Variants in LAMA2 observed in about 807,000 individuals in gnomAD.
LAMA2 encodes the protein laminin subunit alpha-2.
A neutral mutation model predicts 364.8 loss-of-function variants in LAMA2; 269 were observed. The ratio of observed to expected loss-of-function variants is 0.74; its 90% CI spans 0.67 to 0.82. LAMA2 has a LOEUF of 0.82. Ranked by LOEUF, LAMA2 falls within the 40% of genes least tolerant of loss-of-function variation. The probability of loss-of-function intolerance (pLI) is 0.00; values close to 1 mark genes in which losing one functional copy is unlikely to be tolerated. For synonymous variants in LAMA2, 1,379 were observed against 1,370.6 expected (o/e 1.01, Z -0.14); for missense variants, 3,807 against 3,873.2 (o/e 0.98, Z 0.45).
At chr6:129,029,816 A>G (rs1440399870) in intron 1 of LAMA2, among the ~76,000 whole-genome samples, 1 of 152,032 alleles carries the variant, frequency 6.6e-6, no homozygotes, top group African/African-American at 2.4e-5. Context: ...AGAAATTTCT[A>G]ATTTTGAAAA....
intron 1 of LAMA2, among the ~76,000 whole-genome samples, chr6:128,962,248 G>A (rs1781582682): frequency 7.0e-6 from 1 of 142,992 alleles, no homozygotes; most frequent in African/African-American, 2.6e-5. Context: ...AGATTTGTAG[G>A]TTATAATAGC....
At chr6:129,510,797 G>A (rs1786511445) in intron 62 of LAMA2, among the ~76,000 whole-genome samples, 1 of 152,088 alleles carries the variant, frequency 6.6e-6, no homozygotes, top group Non-Finnish European at 1.5e-5. Flanking sequence ...TGATAGAAGA[G>A]TAGGACCCTC....
intron 2 of LAMA2, among the ~76,000 whole-genome samples, chr6:129,050,549 G>C (rs757479103): frequency 1.3e-5 from 2 of 152,100 alleles, no homozygotes; most frequent in Admixed American, 6.5e-5. Context: ...ACAAAGGCTT[G>C]GTGTAAGTAA....
At chr6:128,947,518 T>A (rs566759173) in intron 1 of LAMA2, among the ~76,000 whole-genome samples, 3 of 152,330 alleles carry the variant, frequency 2.0e-5, no homozygotes, top group African/African-American at 7.2e-5. Context: ...TATATGTGAA[T>A]ATAATACATA....
chr6:129,492,405 A>C lies in LAMA2; in HGVS notation c.8166A>C (p.Ala2722=). ...HQKLREDEDG[A]APAEIVIQPE... ...AACTCCGTGAAGATGAAGATGGAGC[A>C]GCTCCAGCTGAAATAGTTATCCAGC... Residue 2722 remains alanine, a synonymous_variant, in exon 58 of 65, where the codon GCA becomes GCC. Transcript: ENST00000421865. 1 of 1,614,174 alleles carries C rather than the reference A, an allele frequency of 6.2e-7. No individual in the cohort carries two copies. The highest frequency in any genetic ancestry group is 8.5e-7 in the Non-Finnish European group (1 of 1,179,994).
intron 3 of LAMA2, among the ~76,000 whole-genome samples, chr6:129,080,610 G>A (rs1276535424): frequency 6.6e-6 from 1 of 152,104 alleles, no homozygotes; most frequent in Non-Finnish European, 1.5e-5. Flanking sequence ...CTCAAAAGAA[G>A]ACATTTATGC....
intron 1 of LAMA2, among the ~76,000 whole-genome samples, chr6:128,903,502 T>C (rs34215442): frequency 0.13 from 19,836 of 152,180 alleles, 1,657 homozygotes; most frequent in African/African-American, 0.23. Context: ...TCTGAAATCA[T>C]TTACAAATAT....
chr6:128,970,437 C>A (rs1011850844), intron 1 of LAMA2, among the ~76,000 whole-genome samples: 2 of 152,134 alleles, frequency 1.3e-5, no homozygotes, highest in Admixed American at 1.3e-4. Flanking sequence ...AGAGTTTCTT[C>A]AGCTGCATTT....
intron 58 of LAMA2, among the ~76,000 whole-genome samples, chr6:129,496,632 T>G (rs1785213870): frequency 6.6e-6 from 1 of 152,230 alleles, no homozygotes; most frequent in African/African-American, 2.4e-5. Flanking sequence ...TCTTTTTGTG[T>G]GTGTAGGGGG....
chr6:129,330,646 C>T (rs1317119486), intron 29 of LAMA2, among the ~76,000 whole-genome samples: 1 of 121,766 alleles, frequency 8.2e-6, no homozygotes, highest in African/African-American at 3.2e-5. Context: ...TAGTTCACTT[C>T]TTCTAAATAC....
In LAMA2 at chr6:129,291,761, C is replaced by G. The variant is rs1390623622; in HGVS notation, c.2856+41C>G. The stretch of plus-strand genomic sequence containing the variant: ...TGACCCATAAATTACTTTCTCCTTA[C>G]AGATTTTCACTGGCTTTTCATGACA... On this transcript the variant is annotated intron_variant, in intron 20 of 64. Coordinates refer to ENST00000421865, the MANE Select transcript of LAMA2 (RefSeq NM_000426.4). The G allele has an allele frequency of 1.9e-5, 25 of 1,299,898 alleles. No homozygotes were observed. In the East Asian group the frequency reaches 5.8e-4, roughly 30 times the overall value. 80.5% of individuals were successfully genotyped at this position (1,299,898 alleles called of 1,614,324 possible). A position where few individuals can be genotyped will look rare whatever the true frequency, so the allele number is the denominator to read the frequency against.
chr6:128,892,476 A>G (rs1381856393), intron 1 of LAMA2, among the ~76,000 whole-genome samples: 1 of 151,974 alleles, frequency 6.6e-6, no homozygotes, highest in African/African-American at 2.4e-5. Context: ...TTTTTTAAAA[A>G]CTTCTTTAAT....
intron 58 of LAMA2, 122 bp downstream of exon 58, chr6:129,492,605 C>G: frequency 1.2e-6 from 1 of 850,376 alleles, no homozygotes; most frequent in South Asian, 1.6e-5. Flanking sequence ...GAAATATAAC[C>G]TATCTAAACC....
At chr6:129,225,146 G>T (rs1172018666) in intron 12 of LAMA2, among the ~76,000 whole-genome samples, 1 of 152,096 alleles carries the variant, frequency 6.6e-6, no homozygotes, top group Non-Finnish European at 1.5e-5. Context: ...ATTCTCTGAT[G>T]GTAGTTTGTA....
At chr6:129,081,798 A>G (rs1774073413) in intron 3 of LAMA2, among the ~76,000 whole-genome samples, 1 of 152,194 alleles carries the variant, frequency 6.6e-6, no homozygotes, top group Admixed American at 6.5e-5. Flanking sequence ...ACTTATGAGC[A>G]TTAAATGAAT....
chr6:129,133,883 C>T (rs769147346), intron 4 of LAMA2, among the ~76,000 whole-genome samples: 4 of 152,022 alleles, frequency 2.6e-5, no homozygotes, highest in South Asian at 4.1e-4. Flanking sequence ...CACACACACA[C>T]GCGCACACAC....
intron 1 of LAMA2, among the ~76,000 whole-genome samples, chr6:128,977,363 A>T (rs1782599550): frequency 6.7e-6 from 1 of 150,300 alleles, no homozygotes; most frequent in Admixed American, 6.6e-5. Context: ...GGGCTCAAGC[A>T]ATCCTTCCAC....
chr6:129,292,876 C>T lies in LAMA2; in HGVS notation c.2856+1156C>T, dbSNP rs376659162. 5.0e-4 allele frequency: 491 copies of T among 985,740 alleles called. 11 individuals carry two copies. The South Asian group carries it at 0.02, about 40-fold the overall frequency. 61.1% of individuals were successfully genotyped at this position (985,740 alleles called of 1,614,324 possible). A position where few individuals can be genotyped will look rare whatever the true frequency, so the allele number is the denominator to read the frequency against. ...TGCGATCCCGTTGGCTCTGTGTCACCGCAATGTGATATTACAGGAAGATGT... is the reference window on the plus strand; with the variant it reads ...TGCGATCCCGTTGGCTCTGTGTCACTGCAATGTGATATTACAGGAAGATGT... On this transcript the variant is annotated intron_variant, in intron 20 of 64. Coordinates refer to ENST00000421865, the MANE Select transcript of LAMA2 (RefSeq NM_000426.4).
intron 37 of LAMA2, among the ~76,000 whole-genome samples, chr6:129,397,805 TG>T (rs1779737309): frequency 6.6e-6 from 1 of 151,872 alleles, no homozygotes; most frequent in South Asian, 2.1e-4. Context: ...CCAGGCGTGG[TG>T]GCAGGCACCT....
Sources: gnomAD v4.1 joint callset for allele counts (sites outside exome capture counted in the v4.1 genomes callset) on GRCh38, gnomAD v4.1.1 for gene constraint, MANE v1.5 for transcripts, NCBI Gene and HGNC (gene_info 2026-07-23, HGNC 2026-07-21) for gene names.